MTCL3: variants seen among roughly 807,000 people sequenced by gnomAD.
MTCL3 encodes MTCL family member 3.
chr6:127,515,604 AG>A, the MTCL3 span: 1 of 1,424,132 alleles, frequency 7.0e-7, no homozygotes. This position sits in a 1 kb window ranked among gnomAD's most constrained non-coding sequence, Gnocchi z 4.3. Context: ...GCTGCGACGA[AG>A]GGGGCGCTGC....
At chr6:127,475,601 A>C in the MTCL3 span, 1 of 1,603,268 alleles carries the variant, frequency 6.2e-7, no homozygotes, top group Non-Finnish European at 8.5e-7. This position sits in a 1 kb window ranked among gnomAD's most constrained non-coding sequence, Gnocchi z 7.3. Context: ...CGATCGGAGA[A>C]GCTCTTGGGC....
chr6:127,481,594 T>A, the MTCL3 span: 1 of 492,400 alleles, frequency 2.0e-6, no homozygotes, highest in Non-Finnish European at 2.6e-6. Flanking sequence ...ATTTTGAATA[T>A]TTAAAATCAC....
At chr6:127,518,241 C>T in the MTCL3 span, among the ~76,000 whole-genome samples, 1 of 152,362 alleles carries the variant, frequency 6.6e-6, no homozygotes, top group Admixed American at 6.5e-5. Flanking sequence ...ATCTAACTAA[C>T]TTATATTGCC....
At chr6:127,474,942 C>T in the MTCL3 span, among the ~76,000 whole-genome samples, 4 of 152,216 alleles carry the variant, frequency 2.6e-5, no homozygotes, top group Admixed American at 2.6e-4. Context: ...TGCAGTTCAT[C>T]TGCTAGCAGA....
At chr6:127,513,146 A>G in the MTCL3 span, 3 of 1,128,428 alleles carry the variant, frequency 2.7e-6, no homozygotes, top group Non-Finnish European at 3.7e-6. Flanking sequence ...CCCAATATTT[A>G]TATGGTGTTT....
the MTCL3 span, chr6:127,475,785 G>A: frequency 6.2e-7 from 1 of 1,610,672 alleles, no homozygotes; most frequent in Non-Finnish European, 8.5e-7. The surrounding 1 kb of genome is among the most constrained non-coding windows in gnomAD (Gnocchi z 7.3). Flanking sequence ...TGTCGCGGGG[G>A]CTGCCGCGGA....
chr6:127,507,799 C>T, the MTCL3 span, among the ~76,000 whole-genome samples: 1 of 137,064 alleles, frequency 7.3e-6, no homozygotes, highest in African/African-American at 2.8e-5. Context: ...GCCGAGATTG[C>T]ACCACTGCAC....
At chr6:127,480,332 G>C in the MTCL3 span, among the ~76,000 whole-genome samples, 1 of 152,224 alleles carries the variant, frequency 6.6e-6, no homozygotes, top group East Asian at 1.9e-4. Context: ...GTATATGCCA[G>C]AGATTTCAAC....
the MTCL3 span, among the ~76,000 whole-genome samples, chr6:127,509,493 G>A: frequency 1.3e-5 from 2 of 152,164 alleles, no homozygotes; most frequent in South Asian, 2.1e-4. Flanking sequence ...ACATCTATAT[G>A]ACTCCATGTA....
At chr6:127,508,409 C>T in the MTCL3 span, among the ~76,000 whole-genome samples, 337 of 152,084 alleles carry the variant, frequency 2.2e-3, 1 homozygote, top group Non-Finnish European at 3.7e-3. Flanking sequence ...AAACCAGAGA[C>T]GCTGTTAAAA....
the MTCL3 span, among the ~76,000 whole-genome samples, chr6:127,511,043 C>T: frequency 6.6e-6 from 1 of 152,132 alleles, no homozygotes; most frequent in Non-Finnish European, 1.5e-5. Flanking sequence ...TTAGGGAAGA[C>T]CCTAATCTAA....
At chr6:127,501,223 T>A in the MTCL3 span, among the ~76,000 whole-genome samples, 2 of 152,238 alleles carry the variant, frequency 1.3e-5, no homozygotes, top group Admixed American at 1.3e-4. Context: ...ATAACTACTT[T>A]CAGAACGACT....
the MTCL3 span, chr6:127,516,244 G>A: frequency 5.5e-6 from 8 of 1,447,786 alleles, no homozygotes; most frequent in Middle Eastern, 2.1e-4. Flanking sequence ...GGCCGCTTCA[G>A]CACCAGCCAC....
At chr6:127,490,312 G>A in the MTCL3 span, among the ~76,000 whole-genome samples, 91 of 152,254 alleles carry the variant, frequency 6.0e-4, no homozygotes, top group Non-Finnish European at 7.6e-4. Context: ...TGATGGAGAT[G>A]TGCAAGGAGA....
At chr6:127,495,967 C>T in the MTCL3 span, among the ~76,000 whole-genome samples, 1 of 152,072 alleles carries the variant, frequency 6.6e-6, no homozygotes, top group Non-Finnish European at 1.5e-5. Context: ...TGGTGGCTCA[C>T]GCCTGTAATC....
chr6:127,481,721 G>C, the MTCL3 span, among the ~76,000 whole-genome samples: 1 of 152,118 alleles, frequency 6.6e-6, no homozygotes, highest in Non-Finnish European at 1.5e-5. Context: ...AGTGCTTTTG[G>C]AGAGTTATAA....
chr6:127,475,989 C>T, the MTCL3 span: 2 of 1,610,926 alleles, frequency 1.2e-6, no homozygotes, highest in South Asian at 1.1e-5. This position sits in a 1 kb window ranked among gnomAD's most constrained non-coding sequence, Gnocchi z 7.3. Flanking sequence ...TGTACTTGTA[C>T]TTGTTGAGCT....
the MTCL3 span, among the ~76,000 whole-genome samples, chr6:127,474,752 A>G: frequency 4.0e-5 from 6 of 151,770 alleles, no homozygotes; most frequent in Admixed American, 3.9e-4. Context: ...CTAATTTTTC[A>G]TATGTTTTGG....
chr6:127,515,702 C>A, the MTCL3 span: 5 of 1,568,956 alleles, frequency 3.2e-6, no homozygotes, highest in Non-Finnish European at 4.3e-6. This position sits in a 1 kb window ranked among gnomAD's most constrained non-coding sequence, Gnocchi z 4.3. Context: ...GCGGAGGCGA[C>A]GGCCAGGGTC....
Sources: allele counts gnomAD v4.1 joint callset (sites outside exome capture counted in the v4.1 genomes callset), GRCh38; gene constraint gnomAD v4.1.1; non-coding constraint Gnocchi (gnomAD v3.1); transcripts MANE v1.5; gene names NCBI Gene and HGNC (gene_info 2026-07-23, HGNC 2026-07-21).